CLVS1: variants seen among roughly 807,000 people sequenced by gnomAD.
The protein encoded by CLVS1 is clavesin 1.
CLVS1 carries 10 observed loss-of-function variants against 33.1 expected under a neutral mutation model. That is an observed-to-expected ratio of 0.30 (90% CI 0.19 to 0.51). The LOEUF is 0.51. Ranked by LOEUF, CLVS1 falls within the 20% of genes least tolerant of loss-of-function variation. The probability of loss-of-function intolerance (pLI) is 0.97; values close to 1 mark genes in which losing one functional copy is unlikely to be tolerated. For synonymous variants in CLVS1, 163 were observed against 166.1 expected, an observed-to-expected ratio of 0.98 and a Z score of 0.14; for missense variants, 343 against 433.4, an observed-to-expected ratio of 0.79 and a Z score of 1.85.
chr8:61,233,169 C>T (rs1376639719), intron 2 of CLVS1, among the ~76,000 whole-genome samples: 1 of 152,160 alleles, frequency 6.6e-6, no homozygotes, highest in African/African-American at 2.4e-5. Context: ...CCTTCTCCCT[C>T]AGTAATAATT....
chr8:61,142,830 T>G (rs1410669267), intron 2 of CLVS1, among the ~76,000 whole-genome samples: 1 of 152,198 alleles, frequency 6.6e-6, no homozygotes, highest in Non-Finnish European at 1.5e-5. Context: ...TGGTGATATT[T>G]TCATAGAGCA....
At chr8:61,449,958 T>G (rs1381852806) in intron 3 of CLVS1, among the ~76,000 whole-genome samples, 1 of 152,238 alleles carries the variant, frequency 6.6e-6, no homozygotes, top group Non-Finnish European at 1.5e-5. Context: ...AATCATATTT[T>G]ATGAGAAAAT....
At chr8:61,178,227 C>G (rs1481409676) in intron 2 of CLVS1, among the ~76,000 whole-genome samples, 1 of 151,950 alleles carries the variant, frequency 6.6e-6, no homozygotes, top group African/African-American at 2.4e-5. Context: ...CTGAGTAGAT[C>G]AAGTGGAAGA....
At chr8:61,282,325 A>G (rs901326510) in intron 2 of CLVS1, among the ~76,000 whole-genome samples, 1 of 152,182 alleles carries the variant, frequency 6.6e-6, no homozygotes, top group Non-Finnish European at 1.5e-5. Context: ...GGTAGAGGGA[A>G]GAAGAGAAGA....
the CLVS1 span, among the ~76,000 whole-genome samples, chr8:61,026,858 A>G: frequency 6.6e-6 from 1 of 152,152 alleles, no homozygotes; most frequent in African/African-American, 2.4e-5. Context: ...CAGAGGTATT[A>G]CCACACCTGT....
chr8:61,041,530 G>C, the CLVS1 span, among the ~76,000 whole-genome samples: 5 of 152,090 alleles, frequency 3.3e-5, no homozygotes, highest in Admixed American at 6.6e-5. Flanking sequence ...AGTTCTTGTA[G>C]AGATCTTTTA....
upstream of CLVS1, among the ~76,000 whole-genome samples, chr8:61,285,840 A>G (rs1585748732): frequency 1.3e-5 from 2 of 152,294 alleles, no homozygotes; most frequent in African/African-American, 4.8e-5. Flanking sequence ...GAAACAGCAC[A>G]TTGTTGAACA....
At chr8:61,195,586 A>G (rs1291423842) in intron 2 of CLVS1, among the ~76,000 whole-genome samples, 1 of 152,038 alleles carries the variant, frequency 6.6e-6, no homozygotes, top group African/African-American at 2.4e-5. Context: ...ATTATCTTAA[A>G]TCATAAATGA....
intron 1 of CLVS1, among the ~76,000 whole-genome samples, chr8:61,112,179 TACACACAC>T (rs749547863): frequency 1.2e-4 from 11 of 89,106 alleles, no homozygotes; most frequent in African/African-American, 1.8e-4. Context: ...TTCTCCGTGC[TACACACAC>T]ACACACACAC....
chr8:61,098,621 G>A (rs556308410), intron 1 of CLVS1, among the ~76,000 whole-genome samples: 1 of 152,156 alleles, frequency 6.6e-6, no homozygotes, highest in East Asian at 1.9e-4. Context: ...AACACTCCTG[G>A]GAGGTGGATT....
chr8:61,174,826 G>C (rs932100974), intron 2 of CLVS1, among the ~76,000 whole-genome samples: 7 of 90,552 alleles, frequency 7.7e-5, no homozygotes, highest in African/African-American at 2.7e-4. Context: ...ATGGTGAAAT[G>C]TATTGAAATT....
At chr8:61,183,551 C>T (rs182940560) in intron 2 of CLVS1, among the ~76,000 whole-genome samples, 20 of 152,142 alleles carry the variant, frequency 1.3e-4, no homozygotes, top group Non-Finnish European at 2.6e-4. Context: ...TGTTGTTACA[C>T]GCAGCTGAAT....
chr8:61,357,137 G>A lies in CLVS1; in HGVS notation c.456-19468G>A, dbSNP rs191958786. Among the ~76,000 whole-genome samples the A allele has an allele frequency of 1.0e-3, 155 of 152,238 alleles. 3 individuals carry two copies. In the East Asian group the frequency reaches 0.027, roughly 26 times the overall value. On this transcript the variant is annotated intron_variant, in intron 2 of 5. Coordinates refer to ENST00000325897, the MANE Select transcript of CLVS1 (RefSeq NM_173519.3). ...CTTGAAGAGATCCTTCACATCCCTT[G>A]TAAGTTGGATTCCTAGGTATTTTAT...
At chr8:61,354,408 T>C (rs543226167) in intron 2 of CLVS1, among the ~76,000 whole-genome samples, 1 of 152,062 alleles carries the variant, frequency 6.6e-6, no homozygotes, top group African/African-American at 2.4e-5. Flanking sequence ...AGCAATTTGG[T>C]AGTTTCTTTA....
chr8:61,184,631 A>G (rs1807306876), intron 2 of CLVS1, among the ~76,000 whole-genome samples: 1 of 152,172 alleles, frequency 6.6e-6, no homozygotes. Flanking sequence ...CTGGAGAGCC[A>G]GCAAAACGGA....
At chr8:61,421,457 T>G (rs552198952) in intron 3 of CLVS1, among the ~76,000 whole-genome samples, 1 of 152,228 alleles carries the variant, frequency 6.6e-6, no homozygotes, top group Non-Finnish European at 1.5e-5. Context: ...ATCCTCCACC[T>G]ACAGGGTAGC....
intron 1 of CLVS1, among the ~76,000 whole-genome samples, chr8:61,119,231 C>T (rs1284594104): frequency 2.0e-5 from 3 of 152,076 alleles, no homozygotes; most frequent in Non-Finnish European, 2.9e-5. Context: ...CTTGGTAGAT[C>T]TTCCTCCATC....
chr8:61,089,988 T>C (rs1475674542), intron 1 of CLVS1, among the ~76,000 whole-genome samples: 1 of 152,208 alleles, frequency 6.6e-6, no homozygotes, highest in Non-Finnish European at 1.5e-5. Flanking sequence ...TACCATCTAA[T>C]GCTAATTTGG....
intron 2 of CLVS1, among the ~76,000 whole-genome samples, chr8:61,329,530 C>A (rs569514434): frequency 9.9e-5 from 15 of 152,176 alleles, no homozygotes; most frequent in African/African-American, 3.6e-4. Flanking sequence ...ATCTTCCTAG[C>A]ATAAAGAAAA....
Sources: allele counts gnomAD v4.1 joint callset (sites outside exome capture counted in the v4.1 genomes callset), GRCh38; gene constraint gnomAD v4.1.1; transcripts MANE v1.5; gene names NCBI Gene and HGNC (gene_info 2026-07-23, HGNC 2026-07-21).